Variants in PIN1 observed in about 807,000 individuals in gnomAD.
The protein encoded by PIN1 is peptidylprolyl cis/trans isomerase, NIMA-interacting 1.
Under a neutral mutation model 19.9 loss-of-function variants are expected in PIN1, and 8 were observed. That is an observed-to-expected ratio of 0.40 (90% CI 0.24 to 0.72). The LOEUF (loss-of-function observed/expected upper bound fraction) is 0.72, where lower values mean the gene tolerates loss of function less well. Among genes scored for constraint, PIN1 ranks in the 30% least tolerant of loss-of-function variants. PIN1 has a pLI of 0.37. For synonymous variants in PIN1, 86 were observed against 90.8 expected (o/e 0.95, Z 0.30); for missense variants, 185 against 226.5 (o/e 0.82, Z 1.18).
In PIN1 at chr19:9,838,961, A is replaced by C. The variant is rs2046139258; in HGVS notation, c.271+313A>C. 6.6e-6 allele frequency among the ~76,000 whole-genome samples: 1 copy of C among 152,096 alleles called. No individual in the cohort carries two copies. Among genetic ancestry groups the C allele is most frequent in the Non-Finnish European group, 1.5e-5 (1 of 68,026 alleles). On this transcript the variant is annotated intron_variant, in intron 2 of 3. Coordinates refer to ENST00000247970, the MANE Select transcript of PIN1 (RefSeq NM_006221.4). The surrounding 1 kb of genome is among the most constrained non-coding windows in gnomAD (Gnocchi z 5.8). ...AGGGGACTCGTGTCACCTCCCCTAG[A>C]CTCAGCTTTCTCTGTAAAATGGGCA...
chr19:9,842,992 C>T (rs2046183553), intron 2 of PIN1, among the ~76,000 whole-genome samples: 1 of 152,248 alleles, frequency 6.6e-6, no homozygotes, highest in Admixed American at 6.5e-5. Flanking sequence ...GGCTCCTTTT[C>T]CCAGCATTGG....
chr19:9,838,748 A>T lies in PIN1; in HGVS notation c.271+100A>T. 1.0e-6 allele frequency: 1 copy of T among 978,816 alleles called. No homozygotes were observed. The highest frequency in any genetic ancestry group is 1.5e-6 in the Non-Finnish European group (1 of 660,976). The allele number at this position is 978,816 out of a possible 1,614,324, so 60.6% of individuals were successfully genotyped here. ...CTTCACCCCAGCTTGCTCAGCTGCC[A>T]GGCGTGGTGTTGGCCAACACAAAAA... On this transcript the variant is annotated intron_variant, in intron 2 of 3. Transcript: ENST00000247970. The surrounding 1 kb of genome is among the most constrained non-coding windows in gnomAD (Gnocchi z 5.8).
In PIN1 at chr19:9,849,566, C is replaced by A. The variant is rs1459772402; in HGVS notation, c.*367C>A. 1.7e-6 allele frequency: 1 copy of A among 575,242 alleles called. No homozygotes were observed. The highest frequency in any genetic ancestry group is 1.9e-5 in the Admixed American group (1 of 53,082). 35.6% of individuals were successfully genotyped at this position (575,242 alleles called of 1,614,324 possible). A position where few individuals can be genotyped will look rare whatever the true frequency, so the allele number is the denominator to read the frequency against. On this transcript the variant is annotated 3_prime_UTR_variant, in exon 4 of 4. Transcript: ENST00000247970. ...GGCAGACTCGAGGGCCGAATTGTTTCTAGTTAGGCCACGCTCCTCTGTTCA... is the reference window on the plus strand; with the variant it reads ...GGCAGACTCGAGGGCCGAATTGTTTATAGTTAGGCCACGCTCCTCTGTTCA...
In PIN1 at chr19:9,838,343, C is replaced by T; in HGVS notation, c.59-93C>T. 2 of 996,850 alleles carry T rather than the reference C, an allele frequency of 2.0e-6. No homozygotes were observed. Among genetic ancestry groups the T allele is most frequent in the South Asian group, 2.8e-5 (2 of 72,160 alleles). 61.8% of individuals were successfully genotyped at this position (996,850 alleles called of 1,614,324 possible). A position where few individuals can be genotyped will look rare whatever the true frequency, so the allele number is the denominator to read the frequency against. On this transcript the variant is annotated intron_variant, in intron 1 of 3. Transcript: ENST00000247970. The surrounding 1 kb of genome is among the most constrained non-coding windows in gnomAD (Gnocchi z 5.8). ...ATTTGTTGAATGAAGGCGCCCCCTGCAAGCCAGGCCCTCACCCTGGCTTCT... is the reference window on the plus strand; with the variant it reads ...ATTTGTTGAATGAAGGCGCCCCCTGTAAGCCAGGCCCTCACCCTGGCTTCT...
At chr19:9,844,541 G>A (rs1005585573) in intron 2 of PIN1, among the ~76,000 whole-genome samples, 1 of 152,168 alleles carries the variant, frequency 6.6e-6, no homozygotes, top group African/African-American at 2.4e-5. Context: ...AGGGGGTCCT[G>A]AACACCTTGA....
intron 2 of PIN1, among the ~76,000 whole-genome samples, chr19:9,847,619 C>T (rs1289674566): frequency 6.6e-6 from 1 of 152,214 alleles, no homozygotes; most frequent in Non-Finnish European, 1.5e-5. Flanking sequence ...AGCCCCCTGC[C>T]TGGGTCAGCC....
rs144510040 is a variant in PIN1 at position 9,846,169 on chromosome 19, T to C, written c.272-1861T>C. Among the ~76,000 whole-genome samples the C allele has an allele frequency of 1.3e-5, 2 of 152,146 alleles. No homozygotes were observed. The highest frequency in any genetic ancestry group is 4.8e-5 in the African/African-American group (2 of 41,436). On this transcript the variant is annotated intron_variant, in intron 2 of 3. Transcript: ENST00000247970. This position sits in a 1 kb window ranked among gnomAD's most constrained non-coding sequence, Gnocchi z 5.9. ...CAGCCCTGGAAGCGGGGCATTCTGATCAAACCAGGGCATCACGGGCAGAAG... is the reference window on the plus strand; with the variant it reads ...CAGCCCTGGAAGCGGGGCATTCTGACCAAACCAGGGCATCACGGGCAGAAG...
chr19:9,836,696 C>T lies in PIN1; in HGVS notation c.58+1294C>T, dbSNP rs563652549. The T allele has an allele frequency of 2.1e-4, 107 of 500,244 alleles. 1 individual carries two copies. Among genetic ancestry groups the T allele is most frequent in the South Asian group, 1.8e-3 (106 of 58,494 alleles). The allele number at this position is 500,244 out of a possible 1,614,324, so 31.0% of individuals were successfully genotyped here. Reference sequence around the variant, plus strand: ...ATACCCCTCACTCCCTGGGTAACATCGGGCCACCAGTAATGCTGGTTCCTA... The same window carrying T: ...ATACCCCTCACTCCCTGGGTAACATTGGGCCACCAGTAATGCTGGTTCCTA... On this transcript the variant is annotated intron_variant, in intron 1 of 3. Coordinates refer to ENST00000247970, the MANE Select transcript of PIN1 (RefSeq NM_006221.4).
rs780450992 is a variant in PIN1 at position 9,836,652 on chromosome 19, TCA to T, written c.58+1253_58+1254del. 20 of 351,580 alleles carry T rather than the reference TCA, an allele frequency of 5.7e-5. No homozygotes were observed. The East Asian group carries it at 9.8e-4, about 17-fold the overall frequency. The allele number at this position is 351,580 out of a possible 1,614,324, so 21.8% of individuals were successfully genotyped here. A position where few individuals can be genotyped will look rare whatever the true frequency, so the allele number is the denominator to read the frequency against. Reference sequence around the variant, plus strand: ...AGGGTCTTTACTTCCAGTTTCTTGTTCACAGTCTTCACTCCTTCATACCCCTC... The same window carrying T: ...AGGGTCTTTACTTCCAGTTTCTTGTTCAGTCTTCACTCCTTCATACCCCTC... On this transcript the variant is annotated intron_variant, in intron 1 of 3. Coordinates refer to ENST00000247970, the MANE Select transcript of PIN1 (RefSeq NM_006221.4).
intron 2 of PIN1, among the ~76,000 whole-genome samples, chr19:9,843,263 C>T (rs181645849): frequency 2.0e-5 from 3 of 152,390 alleles, no homozygotes; most frequent in Admixed American, 6.5e-5. Flanking sequence ...AGGTCACTGG[C>T]GCCCTTCCAG....
intron 2 of PIN1, among the ~76,000 whole-genome samples, chr19:9,842,947 GC>G (rs2046182999): frequency 6.6e-6 from 1 of 152,254 alleles, no homozygotes; most frequent in Non-Finnish European, 1.5e-5. Flanking sequence ...CAGGCTGCCT[GC>G]AGAGAGAGCC....
At chr19:9,847,181 C>A (rs1862472) in intron 2 of PIN1, among the ~76,000 whole-genome samples, 92,098 of 152,024 alleles carry the variant, frequency 0.61, 28,564 homozygotes, top group Non-Finnish European at 0.67. Flanking sequence ...ACACCACGTG[C>A]ACACACACGC....
intron 2 of PIN1, among the ~76,000 whole-genome samples, chr19:9,845,507 TA>T (rs748021592): frequency 1.3e-4 from 20 of 149,212 alleles, no homozygotes; most frequent in South Asian, 2.1e-4. Context: ...GAAAGCGTTT[TA>T]AAAAAAAAAA....
At chr19:9,835,544 C>T (rs1315300244) in intron 1 of PIN1, 142 bp downstream of exon 1, 8 of 617,224 alleles carry the variant, frequency 1.3e-5, no homozygotes, top group East Asian at 1.1e-4. Flanking sequence ...GTAACGGCCC[C>T]GGCCCGCCCT....
intron 2 of PIN1, among the ~76,000 whole-genome samples, chr19:9,840,710 C>A (rs898169615): frequency 1.3e-5 from 2 of 152,170 alleles, no homozygotes. Flanking sequence ...GATCCTCCCA[C>A]CTCAGCCTCC....
chr19:9,843,239 T>A (rs2046186106), intron 2 of PIN1, among the ~76,000 whole-genome samples: 3 of 152,248 alleles, frequency 2.0e-5, no homozygotes, highest in African/African-American at 7.2e-5. Flanking sequence ...AGCCCCTTTG[T>A]CCTGGGGTCC....
At chr19:9,848,321 C>T in intron 3 of PIN1, 181 bp downstream of exon 3, 1 of 608,412 alleles carries the variant, frequency 1.6e-6, no homozygotes, top group Non-Finnish European at 2.9e-6. Context: ...CAGGGCCACA[C>T]AGGGAGGGGG....
rs993934983 is a variant in PIN1 at position 9,838,971 on chromosome 19, C to T, written c.271+323C>T. Among the ~76,000 whole-genome samples the T allele has an allele frequency of 3.3e-5, 5 of 152,152 alleles. No individual in the cohort carries two copies. The highest frequency in any genetic ancestry group is 5.9e-5 in the Non-Finnish European group (4 of 68,030). ...TGTCACCTCCCCTAGACTCAGCTTT[C>T]TCTGTAAAATGGGCATCCTCTAAGG... is the stretch of plus-strand genomic sequence containing the variant. On this transcript the variant is annotated intron_variant, in intron 2 of 3. Coordinates refer to ENST00000247970, the MANE Select transcript of PIN1 (RefSeq NM_006221.4). This position sits in a 1 kb window ranked among gnomAD's most constrained non-coding sequence, Gnocchi z 5.8.
At position 9,838,664 on chromosome 19, in the gene PIN1, G is replaced by T. The variant is rs943679726; in HGVS notation, c.271+16G>T. ...CTGATCAACGGTGAGCAGGGCGAGG[G>T]CAGGGGCTTGGGAGGGGGTCTTCTC... On this transcript the variant is annotated intron_variant, in intron 2 of 3. Coordinates refer to ENST00000247970, the MANE Select transcript of PIN1 (RefSeq NM_006221.4). This position sits in a 1 kb window ranked among gnomAD's most constrained non-coding sequence, Gnocchi z 5.8. 1.2e-5 allele frequency: 18 copies of T among 1,527,500 alleles called. No homozygotes were observed. Among genetic ancestry groups the T allele is most frequent in the Middle Eastern group, 1.8e-4 (1 of 5,546 alleles). The allele number at this position is 1,527,500 out of a possible 1,614,324, so 94.6% of individuals were successfully genotyped here. A position where few individuals can be genotyped will look rare whatever the true frequency, so the allele number is the denominator to read the frequency against.
Sources: gnomAD v4.1 joint callset for allele counts (sites outside exome capture counted in the v4.1 genomes callset) on GRCh38, gnomAD v4.1.1 for gene constraint, Gnocchi (gnomAD v3.1) non-coding constraint, MANE v1.5 for transcripts, NCBI Gene and HGNC (gene_info 2026-07-23, HGNC 2026-07-21) for gene names.